Variants in TMEM232 observed in about 807,000 individuals in gnomAD.
TMEM232 encodes the protein transmembrane protein 232.
A neutral mutation model predicts 78.8 loss-of-function variants in TMEM232; 80 were observed. The ratio of observed to expected loss-of-function variants is 1.01; its 90% CI spans 0.85 to 1.22. The LOEUF is 1.22. TMEM232 is among the 50% of genes most tolerant of loss of function. The pLI is 0.00. For synonymous variants in TMEM232, 297 were observed against 254.3 expected (o/e 1.17, Z -1.60); for missense variants, 881 against 742.2 (o/e 1.19, Z -2.17).
rs562574169 is a variant in TMEM232, at chr5:110,713,449, T to G, written c.-13+13178A>C. Among the ~76,000 whole-genome samples the G allele has an allele frequency of 3.3e-5, 5 of 152,278 alleles. No individual in the cohort carries two copies. The East Asian group carries it at 9.6e-4, about 29-fold the overall frequency. On this transcript the variant is annotated intron_variant, in intron 1 of 13. Transcript: ENST00000455884. ...AAAGTATAAATGCTGAGGAGATAGA[T>G]TCCCCATTTAGCATATTGTGATTAT...
chr5:110,693,481 A>C (rs2150235270), intron 1 of TMEM232, among the ~76,000 whole-genome samples: 1 of 152,358 alleles, frequency 6.6e-6, no homozygotes, highest in Non-Finnish European at 1.5e-5. Context: ...TGAGAGAAGA[A>C]GGCTTCAGAA....
chr5:110,628,508 T>C (rs139534896), intron 5 of TMEM232, among the ~76,000 whole-genome samples: 1 of 152,194 alleles, frequency 6.6e-6, no homozygotes, highest in African/African-American at 2.4e-5. Flanking sequence ...ATATAGTTTG[T>C]TTTACACAGA....
At chr5:110,700,013 T>C (rs1795245985) in intron 1 of TMEM232, among the ~76,000 whole-genome samples, 1 of 152,072 alleles carries the variant, frequency 6.6e-6, no homozygotes, top group Non-Finnish European at 1.5e-5. Context: ...TATGCTGGCA[T>C]CTGAAAGAAA....
At chr5:110,567,228 G>C (rs916987622) in intron 11 of TMEM232, among the ~76,000 whole-genome samples, 12 of 151,396 alleles carry the variant, frequency 7.9e-5, no homozygotes, top group Admixed American at 3.3e-4. Flanking sequence ...AATTTCCAAA[G>C]AATTGTAGAT....
intron 10 of TMEM232, among the ~76,000 whole-genome samples, chr5:110,600,862 A>C (rs186780358): frequency 9.9e-5 from 15 of 151,940 alleles, no homozygotes; most frequent in Middle Eastern, 3.2e-3. Context: ...CAACAAAAAA[A>C]GGTTTCAGGA....
chr5:110,634,596 C>T (rs1430250931), intron 5 of TMEM232, among the ~76,000 whole-genome samples: 1 of 151,432 alleles, frequency 6.6e-6, no homozygotes, highest in Non-Finnish European at 1.5e-5. Context: ...TCTGAACAAC[C>T]ACTGGGTCAA....
chr5:110,571,691 T>G lies in TMEM232; in HGVS notation c.1277-3066A>C, dbSNP rs572466641. Among the ~76,000 whole-genome samples the G allele has an allele frequency of 1.5e-4, 22 of 147,730 alleles. No individual in the cohort carries two copies. In the South Asian group the frequency reaches 1.7e-3, roughly 11 times the overall value. On this transcript the variant is annotated intron_variant, in intron 10 of 13. Coordinates refer to ENST00000455884, the MANE Select transcript of TMEM232 (RefSeq NM_001039763.4). The stretch of plus-strand genomic sequence containing the variant: ...TTTTTTTTGTTTGTTTGTTTTGTTT[T>G]TTTGTTTTTTTTTTAAATTAGCTGG...
At chr5:110,649,395 C>A (rs568878826) in intron 2 of TMEM232, among the ~76,000 whole-genome samples, 1 of 152,090 alleles carries the variant, frequency 6.6e-6, no homozygotes, top group South Asian at 2.1e-4. Flanking sequence ...ATTCATTAAT[C>A]ATTATATTTA....
At chr5:110,618,149 G>A (rs1205500041) in intron 8 of TMEM232, among the ~76,000 whole-genome samples, 1 of 151,808 alleles carries the variant, frequency 6.6e-6, no homozygotes, top group Non-Finnish European at 1.5e-5. Context: ...TGTTTGCAAT[G>A]CAGGCATAAA....
chr5:110,657,033 C>T (rs1188821293), intron 2 of TMEM232, among the ~76,000 whole-genome samples: 1 of 152,086 alleles, frequency 6.6e-6, no homozygotes, highest in Non-Finnish European at 1.5e-5. Context: ...ATATCCATCA[C>T]TTTCAATATT....
At chr5:110,685,959 G>A (rs1023392498) in intron 1 of TMEM232, among the ~76,000 whole-genome samples, 1 of 152,254 alleles carries the variant, frequency 6.6e-6, no homozygotes, top group South Asian at 2.1e-4. Context: ...ACTGCATGGT[G>A]ATGGTCTATG....
intron 2 of TMEM232, among the ~76,000 whole-genome samples, chr5:110,404,588 A>G (rs1254204735): frequency 1.3e-5 from 2 of 152,122 alleles, no homozygotes; most frequent in Admixed American, 6.6e-5. Flanking sequence ...AAATTTAATG[A>G]TGAATATTTA....
intron 12 of TMEM232, among the ~76,000 whole-genome samples, chr5:110,506,805 T>C (rs760687285): frequency 2.6e-5 from 4 of 152,218 alleles, no homozygotes; most frequent in Admixed American, 6.5e-5. Context: ...AAGTTCCTTA[T>C]TGAAAACTCT....
intron 12 of TMEM232, among the ~76,000 whole-genome samples, chr5:110,481,016 T>C (rs182146492): frequency 1.3e-5 from 2 of 152,118 alleles, no homozygotes; most frequent in African/African-American, 2.4e-5. Flanking sequence ...TAGTTGCTAT[T>C]TGCTATTTTA....
intron 11 of TMEM232, among the ~76,000 whole-genome samples, chr5:110,531,531 T>C (rs905676973): frequency 2.6e-5 from 4 of 152,150 alleles, no homozygotes; most frequent in Non-Finnish European, 5.9e-5. Context: ...CTCAATCTCT[T>C]TCGCCTTTCA....
chr5:110,611,381 G>C (rs558880574), intron 8 of TMEM232, among the ~76,000 whole-genome samples: 2 of 152,062 alleles, frequency 1.3e-5, no homozygotes, highest in Non-Finnish European at 2.9e-5. Flanking sequence ...CTGTTAAAAG[G>C]CTTTTTCTCC....
intron 12 of TMEM232, among the ~76,000 whole-genome samples, chr5:110,502,972 C>T (rs771306901): frequency 2.6e-5 from 4 of 152,164 alleles, no homozygotes; most frequent in African/African-American, 4.8e-5. Context: ...GTAATTACTT[C>T]GGTTGCTTAT....
chr5:110,525,125 A>ATGATTAAC (rs1048017698), intron 12 of TMEM232, among the ~76,000 whole-genome samples: 2 of 151,812 alleles, frequency 1.3e-5, no homozygotes, highest in African/African-American at 4.8e-5. Flanking sequence ...AGCCAGCATC[A>ATGATTAAC]TGATTAACTG....
At chr5:110,472,573 C>T (rs1051951045) in intron 12 of TMEM232, among the ~76,000 whole-genome samples, 3 of 151,754 alleles carry the variant, frequency 2.0e-5, no homozygotes, top group African/African-American at 4.8e-5. Flanking sequence ...TATTGAACCA[C>T]AAAAGACTCT....
Sources: allele counts gnomAD v4.1 joint callset (sites outside exome capture counted in the v4.1 genomes callset), GRCh38; gene constraint gnomAD v4.1.1; transcripts MANE v1.5; gene names NCBI Gene and HGNC (gene_info 2026-07-23, HGNC 2026-07-21).